ASS1: variants seen among roughly 807,000 people sequenced by gnomAD.
The protein encoded by ASS1 is argininosuccinate synthase.
ASS1 carries 58 observed loss-of-function variants against 60.5 expected under a neutral mutation model. The observed-to-expected ratio is 0.96, with a 90% CI of 0.78 to 1.19. The LOEUF (loss-of-function observed/expected upper bound fraction) is 1.19. ASS1 is among the 50% of genes most tolerant of loss of function. The probability of loss-of-function intolerance (pLI) is 0.00; values close to 1 mark genes in which losing one functional copy is unlikely to be tolerated. For missense variants in ASS1, 454 were observed against 547.3 expected (o/e 0.83, Z 1.70); for synonymous variants, 200 against 206.9 (o/e 0.97, Z 0.29).
At chr9:130,474,070 C>CT (rs1845950186) in intron 8 of ASS1, among the ~76,000 whole-genome samples, 1 of 126,428 alleles carries the variant, frequency 7.9e-6, no homozygotes, top group Non-Finnish European at 1.7e-5. Context: ...GCACCCCCCC[C>CT]CCCCCACAGA....
chr9:130,489,796 A>G lies in ASS1; in HGVS notation c.970+332A>G, dbSNP rs1016784640. ...CACTGGGCACTGTGCGGCGACATGC[A>G]TCACCCCGCATGGTCCTCACAACTT... On this transcript the variant is annotated intron_variant, in intron 12 of 14. Transcript: ENST00000352480. This position sits in a 1 kb window ranked among gnomAD's most constrained non-coding sequence, Gnocchi z 4.1. Among the ~76,000 whole-genome samples, 2 of 152,246 alleles carry G rather than the reference A, an allele frequency of 1.3e-5. No individual in the cohort carries two copies. The highest frequency in any genetic ancestry group is 2.4e-5 in the African/African-American group (1 of 41,462).
chr9:130,464,331 G>A (rs1325695861), intron 5 of ASS1, among the ~76,000 whole-genome samples, 164 bp downstream of exon 5: 2 of 152,182 alleles, frequency 1.3e-5, no homozygotes, highest in African/African-American at 4.8e-5. Context: ...TCCCTTCGCT[G>A]GGGCCAGCTC....
chr9:130,462,453 C>G (rs1029113355), intron 4 of ASS1, among the ~76,000 whole-genome samples: 3 of 152,176 alleles, frequency 2.0e-5, no homozygotes, highest in Non-Finnish European at 4.4e-5. Context: ...CTCCTTGGCT[C>G]TTGCCTGAGA....
chr9:130,499,105 C>T (rs1418101696), intron 13 of ASS1, among the ~76,000 whole-genome samples: 1 of 152,214 alleles, frequency 6.6e-6, no homozygotes, highest in African/African-American at 2.4e-5. Flanking sequence ...CCCAAGGCCT[C>T]CTGAGCCTTC....
rs1313069512 is a variant in ASS1, at chr9:130,452,323, T to C, written c.95T>C (p.Ile32Thr). The C allele has an allele frequency of 1.9e-6, 3 of 1,613,976 alleles. No individual in the cohort carries two copies. The highest frequency in any genetic ancestry group is 3.3e-5 in the Admixed American group (2 of 60,024). ...CTGAAGGAACAAGGCTATGACGTCATTGCCTATCTGGTGAGGGAGCGACCT... is the reference window on the plus strand; with the variant it reads ...CTGAAGGAACAAGGCTATGACGTCACTGCCTATCTGGTGAGGGAGCGACCT... ...VWLKEQGYDV[I>T]AYLANIGQKE... The change falls in exon 2 of 15, where the codon ATT (isoleucine) becomes ACT (threonine). Residue 32 changes from isoleucine (I) to threonine (T), a missense_variant. By Grantham distance (89) the Ile-to-Thr change is moderately conservative (BLOSUM62 -1). Transcript: ENST00000352480.
chr9:130,479,625 G>T, intron 9 of ASS1, 91 bp from the exon 10 acceptor site: 10 of 1,035,006 alleles, frequency 9.7e-6, no homozygotes, highest in Non-Finnish European at 1.2e-5. Flanking sequence ...CATTTAAGGC[G>T]TTTCGGGAGG....
At chr9:130,458,301 G>GCCCCGTATAGGTCTCTAGCTGAGA in intron 3 of ASS1, 100 bp from the exon 4 acceptor site, 1 of 1,387,120 alleles carries the variant, frequency 7.2e-7, no homozygotes, top group South Asian at 1.2e-5. Context: ...AGCGGGGGTG[G>GCCCCGTATAGGTCTCTAGCTGAGA]CCCCGTATAG....
At position 130,478,078 on chromosome 9, in the gene ASS1, G is replaced by A. The variant is rs191385697; in HGVS notation, c.688+1117G>A. ...ACAGGCATGATGCTCACAGGTGCCC[G>A]GCATGGTATGTGGAATGGGGTGTCG... On this transcript the variant is annotated intron_variant, in intron 9 of 14. Transcript: ENST00000352480. The surrounding 1 kb of genome is among the most constrained non-coding windows in gnomAD (Gnocchi z 4.7). 7.9e-5 allele frequency among the ~76,000 whole-genome samples: 12 copies of A among 152,296 alleles called. No homozygotes were observed. In the East Asian group the frequency reaches 1.2e-3, roughly 15 times the overall value.
intron 6 of ASS1, among the ~76,000 whole-genome samples, chr9:130,469,197 C>T (rs898154050): frequency 1.3e-5 from 2 of 152,242 alleles, no homozygotes; most frequent in Non-Finnish European, 2.9e-5. Context: ...GCTGGAGAGT[C>T]CAGTCTTGCC....
At chr9:130,481,772 G>A (rs913293544) in intron 11 of ASS1, among the ~76,000 whole-genome samples, 1 of 152,210 alleles carries the variant, frequency 6.6e-6, no homozygotes, top group East Asian at 1.9e-4. Flanking sequence ...ACATGGGAGC[G>A]CGGAAGGGGA....
intron 10 of ASS1, 39 bp from the exon 11 acceptor site, chr9:130,480,346 C>A (rs748525942): frequency 1.2e-6 from 2 of 1,612,694 alleles, no homozygotes; most frequent in African/African-American, 2.7e-5. Flanking sequence ...CTGAGCCTTG[C>A]GGTAGCGCCC....
At position 130,491,616 on chromosome 9, in the gene ASS1, CAG is replaced by C. The variant is rs1846452171; in HGVS notation, c.970+2153_970+2154del. ...TGATCAAGGGGCACGGCGGCACAGA[CAG>C]GGGAACCCTGGGTGTAGGGCACAGT... is the stretch of plus-strand genomic sequence containing the variant. On this transcript the variant is annotated intron_variant, in intron 12 of 14. Coordinates refer to ENST00000352480, the MANE Select transcript of ASS1 (RefSeq NM_054012.4). The surrounding 1 kb of genome is among the most constrained non-coding windows in gnomAD (Gnocchi z 5.3). 6.6e-6 allele frequency among the ~76,000 whole-genome samples: 1 copy of C among 152,220 alleles called. No homozygotes were observed. Among genetic ancestry groups the C allele is most frequent in the Admixed American group, 6.5e-5 (1 of 15,286 alleles).
chr9:130,453,897 G>C (rs530587428), intron 2 of ASS1, among the ~76,000 whole-genome samples: 16 of 152,374 alleles, frequency 1.1e-4, no homozygotes, highest in African/African-American at 3.8e-4. Context: ...TTTGACTAGG[G>C]AGGAGAGCTG....
chr9:130,476,489 C>T lies in ASS1; in HGVS notation c.598-382C>T. The stretch of plus-strand genomic sequence containing the variant: ...AGCTTTGCGGTCAGTGCAGAATAAA[C>T]CCCAATCCCGAGCCGGCGAGAGCGT... On this transcript the variant is annotated intron_variant, in intron 8 of 14. Coordinates refer to ENST00000352480, the MANE Select transcript of ASS1 (RefSeq NM_054012.4). This position sits in a 1 kb window ranked among gnomAD's most constrained non-coding sequence, Gnocchi z 4.9. 5.2e-6 allele frequency: 2 copies of T among 386,312 alleles called. No homozygotes were observed. Among genetic ancestry groups the T allele is most frequent in the South Asian group, 2.3e-5 (1 of 43,060 alleles). 23.9% of individuals were successfully genotyped at this position (386,312 alleles called of 1,614,324 possible).
At chr9:130,497,896 C>T (rs1846643398) in intron 13 of ASS1, among the ~76,000 whole-genome samples, 1 of 152,196 alleles carries the variant, frequency 6.6e-6, no homozygotes, top group Admixed American at 6.5e-5. Flanking sequence ...TTCCTAAGCA[C>T]TGACTGCACA....
In ASS1 at chr9:130,466,774, G is replaced by T. The variant is rs121908637; in HGVS notation, c.470G>T (p.Arg157Leu). ...MPEFYNRFKG[R>L]NDLMEYAKQH... ...GAATTCTACAACCGGTTCAAGGGCCGCAATGACCTGATGGAGTACGCAAAG... is the reference window on the plus strand; with the variant it reads ...GAATTCTACAACCGGTTCAAGGGCCTCAATGACCTGATGGAGTACGCAAAG... The change falls in exon 6 of 15, where the codon CGC (arginine) becomes CTC (leucine). Residue 157 changes from arginine to leucine, a missense_variant. Arg to Leu is a moderately radical substitution (Grantham distance 102). Transcript: ENST00000352480. 6.2e-7 allele frequency: 1 copy of T among 1,614,114 alleles called. No individual in the cohort carries two copies. The highest frequency in any genetic ancestry group is 8.5e-7 in the Non-Finnish European group (1 of 1,180,016).
At chr9:130,464,279 G>C in intron 5 of ASS1, 112 bp downstream of exon 5, 7 of 1,340,242 alleles carry the variant, frequency 5.2e-6, no homozygotes, top group South Asian at 1.2e-5. Context: ...AATCTCCTCC[G>C]TGGCAGGGGT....
At chr9:130,466,420 CT>C in intron 5 of ASS1, 2 of 479,862 alleles carry the variant, frequency 4.2e-6, no homozygotes, top group Non-Finnish European at 7.7e-6. Flanking sequence ...TGAACCCCGT[CT>C]AGTTCAAACT....
At chr9:130,498,112 C>G (rs563815211) in intron 13 of ASS1, among the ~76,000 whole-genome samples, 32 of 152,080 alleles carry the variant, frequency 2.1e-4, no homozygotes, top group African/African-American at 7.5e-4. Flanking sequence ...GGTCAGGGCC[C>G]GGGTCCTGAA....
Sources: allele counts gnomAD v4.1 joint callset (sites outside exome capture counted in the v4.1 genomes callset), GRCh38; gene constraint gnomAD v4.1.1; non-coding constraint Gnocchi (gnomAD v3.1); transcripts MANE v1.5; gene names NCBI Gene and HGNC (gene_info 2026-07-23, HGNC 2026-07-21).